The following NFIA variants were observed in gnomAD, a reference collection of about 807,000 sequenced individuals.
The protein encoded by NFIA is nuclear factor I A, also known as nuclear factor 1 A-type.
A neutral mutation model predicts 62.8 loss-of-function variants in NFIA; 8 were observed. The observed-to-expected ratio is 0.13, with a 90% CI of 0.07 to 0.23. The LOEUF (loss-of-function observed/expected upper bound fraction) is 0.23, where lower values mean the gene tolerates loss of function less well. Ranked by LOEUF, NFIA falls within the 10% of genes least tolerant of loss-of-function variation. The pLI, the probability that NFIA is intolerant of heterozygous loss-of-function variation, is 1.00. For synonymous variants in NFIA, 235 were observed against 238.1 expected (o/e 0.99, Z 0.12); for missense variants, 410 against 642.1 (o/e 0.64, Z 3.91).
intron 3 of NFIA, among the ~76,000 whole-genome samples, chr1:61,296,717 A>T (rs1659207603): frequency 6.6e-6 from 1 of 152,124 alleles, no homozygotes; most frequent in African/African-American, 2.4e-5. Context: ...CATAGTCCTT[A>T]CCCACCTGTA....
rs867297716 is a variant in NFIA at position 61,428,597 on chromosome 1, G to C, written c.1512+2041G>C. 7.9e-5 allele frequency among the ~76,000 whole-genome samples: 12 copies of C among 151,710 alleles called. No individual in the cohort carries two copies. In the South Asian group the frequency reaches 2.5e-3, roughly 32 times the overall value. ...TGTGTTCTAAATATTTTAATTTTAA[G>C]GTATATATATTAACTCTTCCCTTAA... On this transcript the variant is annotated intron_variant, in intron 10 of 10. Transcript: ENST00000403491.
At chr1:61,166,735 T>G (rs539179437) in intron 2 of NFIA, among the ~76,000 whole-genome samples, 55 of 152,176 alleles carry the variant, frequency 3.6e-4, no homozygotes, top group Non-Finnish European at 6.3e-4. Context: ...GAGTATAGGC[T>G]CTCTCAGCAT....
In NFIA at chr1:61,170,804, G is replaced by A. The variant is rs139196634; in HGVS notation, c.559+82124G>A. ...ACGGCTGGACACTTATCACAAAGCT[G>A]TGCCAACATCAGTGATGGTGCACCC... On this transcript the variant is annotated intron_variant, in intron 2 of 10. Transcript: ENST00000403491. Among the ~76,000 whole-genome samples the A allele has an allele frequency of 1.4e-3, 210 of 152,322 alleles. 3 individuals carry two copies. Among genetic ancestry groups the A allele is most frequent in the Non-Finnish European group, 2.5e-3 (169 of 68,032 alleles).
intron 2 of NFIA, among the ~76,000 whole-genome samples, chr1:61,169,175 C>G (rs1649777245): frequency 6.6e-6 from 1 of 152,100 alleles, no homozygotes; most frequent in Admixed American, 6.6e-5. Context: ...GATAAATATT[C>G]CAAGTTTTTT....
intron 3 of NFIA, among the ~76,000 whole-genome samples, chr1:61,300,409 A>G (rs1389888416): frequency 6.6e-6 from 1 of 152,148 alleles, no homozygotes; most frequent in Non-Finnish European, 1.5e-5. Context: ...GAACAAGGCC[A>G]TTTAGAAAAT....
At chr1:61,378,370 T>A (rs1227679398) in intron 6 of NFIA, among the ~76,000 whole-genome samples, 2 of 152,214 alleles carry the variant, frequency 1.3e-5, no homozygotes, top group Non-Finnish European at 2.9e-5. Context: ...TAGTTCCCTT[T>A]CTAAGAATAC....
chr1:61,405,312 G>A (rs1665763025), intron 8 of NFIA, among the ~76,000 whole-genome samples: 1 of 152,166 alleles, frequency 6.6e-6, no homozygotes, highest in African/African-American at 2.4e-5. Flanking sequence ...TTATTCTAAA[G>A]CATTCACTTA....
chr1:61,384,990 C>T (rs965471992), intron 7 of NFIA, among the ~76,000 whole-genome samples: 17 of 152,084 alleles, frequency 1.1e-4, no homozygotes, highest in Non-Finnish European at 8.8e-5. Context: ...CTAGCACTTT[C>T]TGAGGCCAAG....
chr1:61,139,539 A>G (rs2100503133), intron 2 of NFIA, among the ~76,000 whole-genome samples: 1 of 152,306 alleles, frequency 6.6e-6, no homozygotes, highest in East Asian at 1.9e-4. Flanking sequence ...CTTTGCCGAA[A>G]GCTAGTCTGG....
intron 3 of NFIA, among the ~76,000 whole-genome samples, chr1:61,312,012 G>A (rs762498503): frequency 2.3e-4 from 35 of 152,130 alleles, no homozygotes; most frequent in Non-Finnish European, 8.8e-5. Flanking sequence ...TTCCTCTCCC[G>A]TGGCCTTTAC....
intron 2 of NFIA, among the ~76,000 whole-genome samples, chr1:61,141,997 C>G (rs908913459): frequency 6.6e-6 from 1 of 152,036 alleles, no homozygotes; most frequent in Admixed American, 6.6e-5. Context: ...TCCTAAAATG[C>G]AGCTGGCCAA....
rs572426318 is a variant in NFIA, at chr1:61,167,994, C to G, written c.559+79314C>G. On this transcript the variant is annotated intron_variant, in intron 2 of 10. Coordinates refer to ENST00000403491, the MANE Select transcript of NFIA (RefSeq NM_001134673.4). ...AGATTTTATGCCAGTTGATACCTTG[C>G]ATGTACATGATGGATCAGATAAAGG... Among the ~76,000 whole-genome samples the G allele has an allele frequency of 2.6e-5, 4 of 152,264 alleles. No homozygotes were observed. In the South Asian group the frequency reaches 8.3e-4, roughly 32 times the overall value.
intron 4 of NFIA, among the ~76,000 whole-genome samples, chr1:61,335,899 G>A (rs960919797): frequency 9.2e-5 from 14 of 152,030 alleles, no homozygotes; most frequent in Non-Finnish European, 1.8e-4. Flanking sequence ...CATGATGTTA[G>A]CCCTGTTAGG....
In NFIA at chr1:61,383,257, C is replaced by T. The variant is rs1664511149; in HGVS notation, c.967C>T (p.Leu323=). 6.2e-7 allele frequency: 1 copy of T among 1,614,052 alleles called. No homozygotes were observed. Reference sequence around the variant, plus strand: ...GCCAGGAATGCCATCTCCAACCACACTGAAGAAGTCGGAGAAGTCTGGTTT... The same window carrying T: ...GCCAGGAATGCCATCTCCAACCACATTGAAGAAGTCGGAGAAGTCTGGTTT... ...VEPGMPSPTT[L]KKSEKSGFSS... is the part of the protein sequence containing the mutation. The change falls in exon 7 of 11, where the codon CTG becomes TTG. Residue 323 remains leucine (L), a synonymous_variant. Coordinates refer to ENST00000403491, the MANE Select transcript of NFIA (RefSeq NM_001134673.4).
chr1:61,296,322 T>G (rs1659187683), intron 3 of NFIA, among the ~76,000 whole-genome samples: 1 of 152,204 alleles, frequency 6.6e-6, no homozygotes, highest in South Asian at 2.1e-4. Flanking sequence ...CTCCAGGCTT[T>G]TTTCTTATTT....
intron 7 of NFIA, chr1:61,385,828 G>A (rs1664654254): frequency 6.6e-6 from 1 of 152,220 alleles, no homozygotes; most frequent in African/African-American, 2.4e-5. Context: ...AAGATGCCTA[G>A]TGTAAGAATT....
intron 2 of NFIA, among the ~76,000 whole-genome samples, chr1:61,180,053 A>G (rs955730656): frequency 1.3e-5 from 2 of 152,130 alleles, no homozygotes; most frequent in African/African-American, 4.8e-5. Context: ...AATAGCTAAG[A>G]GAGCATCCTC....
At chr1:61,081,650 C>A, upstream of NFIA, 5 of 410,132 alleles carry the variant, frequency 1.2e-5, no homozygotes, top group Non-Finnish European at 1.8e-5. Flanking sequence ...ACTAGTTTCA[C>A]AGTCCTGGGA....
At chr1:61,401,092 A>T (rs1265195806) in intron 7 of NFIA, among the ~76,000 whole-genome samples, 1 of 152,190 alleles carries the variant, frequency 6.6e-6, no homozygotes, top group Non-Finnish European at 1.5e-5. Flanking sequence ...AAGGTTCAGG[A>T]TCTCGAATGA....
Sources: allele counts gnomAD v4.1 joint callset (sites outside exome capture counted in the v4.1 genomes callset), GRCh38; gene constraint gnomAD v4.1.1; transcripts MANE v1.5; gene names NCBI Gene and HGNC (gene_info 2026-07-23, HGNC 2026-07-21).